The following VPS8 variants were observed in gnomAD, a reference collection of about 807,000 sequenced individuals.
VPS8 encodes the protein vacuolar protein sorting-associated protein 8 homolog.
Under a neutral mutation model 216.4 loss-of-function variants are expected in VPS8, and 129 were observed. That is an observed-to-expected ratio of 0.60 (90% CI 0.52 to 0.69). The LOEUF (loss-of-function observed/expected upper bound fraction) is 0.69. Among genes scored for constraint, VPS8 ranks in the 30% least tolerant of loss-of-function variants. The pLI is 0.00. For missense variants in VPS8, 1,531 were observed against 1,683.5 expected, an observed-to-expected ratio of 0.91 and a Z score of 1.59; for synonymous variants, 571 against 565.4, an observed-to-expected ratio of 1.01 and a Z score of -0.14.
intron 37 of VPS8, among the ~76,000 whole-genome samples, chr3:184,963,579 G>A (rs1394602941): frequency 6.6e-6 from 1 of 152,010 alleles, no homozygotes; most frequent in African/African-American, 2.4e-5. Context: ...ATGACAATAA[G>A]AAGAATGGCA....
intron 28 of VPS8, 100 bp from the exon 29 acceptor site, chr3:184,920,027 T>G: frequency 1.2e-6 from 1 of 867,280 alleles, no homozygotes; most frequent in Non-Finnish European, 1.8e-6. Flanking sequence ...TTATCTTATT[T>G]GAGAAATTAC....
intron 37 of VPS8, 136 bp downstream of exon 37, chr3:184,957,657 T>A (rs1214595217): frequency 9.0e-7 from 1 of 1,116,422 alleles, no homozygotes. Context: ...GACATACTCC[T>A]GAAAACAAAA....
At chr3:185,041,235 G>A (rs199607394) in intron 46 of VPS8, among the ~76,000 whole-genome samples, 1 of 152,036 alleles carries the variant, frequency 6.6e-6, no homozygotes. Context: ...CAAGGATAGA[G>A]CCTTACAGCT....
At chr3:184,865,099 G>C (rs982779613) in intron 16 of VPS8, among the ~76,000 whole-genome samples, 3 of 152,090 alleles carry the variant, frequency 2.0e-5, no homozygotes, top group African/African-American at 7.2e-5. Context: ...TCATGAATTT[G>C]AAGATACAAC....
At chr3:184,983,253 A>G (rs1750506199) in intron 42 of VPS8, among the ~76,000 whole-genome samples, 159 bp downstream of exon 42, 1 of 152,196 alleles carries the variant, frequency 6.6e-6, no homozygotes, top group Admixed American at 6.5e-5. Context: ...TCCGACCCTC[A>G]TTCTTGAATC....
At chr3:184,984,293 TA>T (rs1185688252) in intron 42 of VPS8, among the ~76,000 whole-genome samples, 1 of 102,060 alleles carries the variant, frequency 9.8e-6, no homozygotes, top group East Asian at 2.9e-4. Flanking sequence ...TCATTTAGAA[TA>T]CTTTTTTTTT....
chr3:184,943,979 G>C (rs1743204100), intron 36 of VPS8, among the ~76,000 whole-genome samples: 1 of 152,136 alleles, frequency 6.6e-6, no homozygotes, highest in Non-Finnish European at 1.5e-5. Flanking sequence ...ACGCACACCT[G>C]TAATCTCAAC....
chr3:184,867,083 TAGG>T, intron 17 of VPS8, 133 bp downstream of exon 17: 1 of 706,446 alleles, frequency 1.4e-6, no homozygotes, highest in Non-Finnish European at 2.2e-6. Context: ...CCTTTGTGGT[TAGG>T]TAGGCATGAT....
At chr3:184,986,655 T>A (rs562114780) in intron 42 of VPS8, among the ~76,000 whole-genome samples, 1 of 152,248 alleles carries the variant, frequency 6.6e-6, no homozygotes, top group East Asian at 1.9e-4. Context: ...ATGCTTCAGG[T>A]TTTCCTCAAG....
intron 45 of VPS8, among the ~76,000 whole-genome samples, chr3:185,007,539 A>G (rs1754434120): frequency 6.6e-6 from 1 of 152,228 alleles, no homozygotes; most frequent in Non-Finnish European, 1.5e-5. Context: ...AAGATTTGCT[A>G]GATTTCAGTT....
At chr3:184,977,606 C>T (rs1055636502) in intron 40 of VPS8, among the ~76,000 whole-genome samples, 1 of 152,040 alleles carries the variant, frequency 6.6e-6, no homozygotes, top group Non-Finnish European at 1.5e-5. Flanking sequence ...TAAGTCTAAT[C>T]CATCTTAAGT....
chr3:184,963,305 T>G (rs1387520416), intron 37 of VPS8, among the ~76,000 whole-genome samples: 3 of 152,158 alleles, frequency 2.0e-5, no homozygotes, highest in Non-Finnish European at 4.4e-5. Context: ...GTGTTGATTC[T>G]TCTCTTTCAG....
Position 184,997,225 on chromosome 3 carries a change from T to C in VPS8, c.3836+724T>C, listed in dbSNP as rs188082718. Among the ~76,000 whole-genome samples, 577 of 152,292 alleles carry C rather than the reference T, an allele frequency of 3.8e-3. 3 individuals carry two copies. Among genetic ancestry groups the C allele is most frequent in the African/African-American group, 0.013 (554 of 41,554 alleles). ...GAGCAAAGACAGCTCATCTAGAATG[T>C]ATGGATAGAGGTAACATGATATGGC... On this transcript the variant is annotated intron_variant, in intron 44 of 47. Transcript: ENST00000625842.
intron 17 of VPS8, among the ~76,000 whole-genome samples, chr3:184,867,285 C>G (rs1191525067): frequency 6.6e-6 from 1 of 152,174 alleles, no homozygotes; most frequent in Non-Finnish European, 1.5e-5. Context: ...TGGCTGTTAG[C>G]TTAGATCAGC....
At chr3:184,964,065 ATT>A (rs759698737) in intron 37 of VPS8, among the ~76,000 whole-genome samples, 104 of 151,590 alleles carry the variant, frequency 6.9e-4, no homozygotes, top group Admixed American at 4.3e-3. Flanking sequence ...CTAATTAGAG[ATT>A]TTGTTTATTA....
chr3:184,895,059 AT>A, intron 23 of VPS8, 134 bp downstream of exon 23: 1 of 710,684 alleles, frequency 1.4e-6, no homozygotes, highest in Non-Finnish European at 2.3e-6. Context: ...TGTAAGATGT[AT>A]TATAAACTTG....
chr3:184,879,215 C>T (rs1051752773), intron 21 of VPS8, among the ~76,000 whole-genome samples: 1 of 152,156 alleles, frequency 6.6e-6, no homozygotes, highest in African/African-American at 2.4e-5. Flanking sequence ...GGTTATCTGT[C>T]AGCTCAGTTT....
intron 29 of VPS8, among the ~76,000 whole-genome samples, chr3:184,924,058 G>A (rs1739132230): frequency 6.6e-6 from 1 of 152,144 alleles, no homozygotes; most frequent in Non-Finnish European, 1.5e-5. Context: ...GAGTACTTAG[G>A]AAATGAGAGC....
At chr3:185,019,881 C>T (rs1409630631) in intron 45 of VPS8, among the ~76,000 whole-genome samples, 1 of 152,186 alleles carries the variant, frequency 6.6e-6, no homozygotes, top group Non-Finnish European at 1.5e-5. Context: ...TAAATAGCGT[C>T]ACTTTGGTTC....
Sources: allele counts gnomAD v4.1 joint callset (sites outside exome capture counted in the v4.1 genomes callset), GRCh38; gene constraint gnomAD v4.1.1; transcripts MANE v1.5; gene names NCBI Gene and HGNC (gene_info 2026-07-23, HGNC 2026-07-21).